Variants in HMGN5 observed in about 807,000 individuals in gnomAD.
HMGN5 encodes the protein high mobility group nucleosome-binding domain-containing protein 5.
In HMGN5, 4 loss-of-function variants were observed where a neutral mutation model predicts 9.5. The ratio of observed to expected loss-of-function variants is 0.42; its 90% CI spans 0.21 to 0.96. The LOEUF (loss-of-function observed/expected upper bound fraction) is 0.96. Ranked by LOEUF, HMGN5 falls within the 40% of genes least tolerant of loss-of-function variation. The pLI, the probability that HMGN5 is intolerant of heterozygous loss-of-function variation, is 0.30. For synonymous variants in HMGN5, 55 were observed against 57.1 expected, an observed-to-expected ratio of 0.96 and a Z score of 0.16; for missense variants, 192 against 187.5, an observed-to-expected ratio of 1.02 and a Z score of -0.14.
chrX:81,174,155 A>T (rs1480366749), intron 1 of HMGN5, among the ~76,000 whole-genome samples: 2 of 111,512 alleles, frequency 1.8e-5, no homozygotes, highest in African/African-American at 6.5e-5. Context: ...TATTACACTT[A>T]TGTGTTTATC....
chrX:81,123,086 T>C (rs982101259), intron 1 of HMGN5, among the ~76,000 whole-genome samples: 5 of 111,549 alleles, frequency 4.5e-5, no homozygotes, highest in African/African-American at 1.6e-4. Flanking sequence ...GAATAATCAG[T>C]TTAAGAGATA....
intron 1 of HMGN5, among the ~76,000 whole-genome samples, chrX:81,139,932 CTCTTAGGCAAG>C (rs1376472102): frequency 8.9e-6 from 1 of 112,016 alleles, no homozygotes; most frequent in African/African-American, 3.2e-5. Context: ...AGGATTGCAA[CTCTTAGGCAAG>C]TCCCAGGGCT....
In HMGN5 at chrX:81,177,367, C is replaced by CAAAAAAAAAAAA. The variant is rs148090852; in HGVS notation, c.-124+24358_-124+24369dup. Among the ~76,000 whole-genome samples the CAAAAAAAAAAAA allele has an allele frequency of 7.5e-4, 8 of 10,678 alleles. 2 individuals are homozygous for CAAAAAAAAAAAA. Among genetic ancestry groups the CAAAAAAAAAAAA allele is most frequent in the Admixed American group, 2.0e-3 (1 of 492 alleles). The allele number at this position is 10,678 out of a possible 115,157, so 9.3% of individuals were successfully genotyped here. On this transcript the variant is annotated intron_variant, in intron 1 of 6. Transcript: ENST00000358130. ...GAAGATCTACCAAGCAAATGGAAAG[C>CAAAAAAAAAAAA]AAAAAAAAAAAAAAAAAAAAAAAAA...
At chrX:81,177,618 G>A (rs2075447141) in intron 1 of HMGN5, among the ~76,000 whole-genome samples, 1 of 110,043 alleles carries the variant, frequency 9.1e-6, no homozygotes, top group Non-Finnish European at 1.9e-5. Flanking sequence ...AATAATGGGA[G>A]ACTTTAACAC....
intron 1 of HMGN5, among the ~76,000 whole-genome samples, chrX:81,124,736 T>C (rs959434789): frequency 5.4e-5 from 6 of 112,119 alleles, no homozygotes; most frequent in Admixed American, 1.9e-4. Context: ...AAAGTGAGAC[T>C]TTTTACTGGA....
At chrX:81,142,669 A>T (rs754006554) in intron 1 of HMGN5, among the ~76,000 whole-genome samples, 9 of 112,065 alleles carry the variant, frequency 8.0e-5, no homozygotes, top group African/African-American at 2.6e-4. Flanking sequence ...ATTTTTCCAG[A>T]AAAACAAAAG....
intron 1 of HMGN5, among the ~76,000 whole-genome samples, chrX:81,194,231 T>A (rs1308563692): frequency 8.9e-6 from 1 of 111,772 alleles, no homozygotes; most frequent in African/African-American, 3.2e-5. Context: ...TAAATAAATG[T>A]AAGATAACAT....
Position 81,113,764 on chromosome X carries a change from GTGGTTGCC to G in HMGN5, c.*877_*884del. 2 of 113,832 alleles carry G rather than the reference GTGGTTGCC, an allele frequency of 1.8e-5. No individual in the cohort carries two copies. The allele number at this position is 113,832 out of a possible 1,213,427, so 9.4% of individuals were successfully genotyped here. A position where few individuals can be genotyped will look rare whatever the true frequency, so the allele number is the denominator to read the frequency against. On this transcript the variant is annotated 3_prime_UTR_variant, in exon 7 of 7. Coordinates refer to ENST00000358130, the MANE Select transcript of HMGN5 (RefSeq NM_030763.3). Reference sequence around the variant, plus strand: ...ATCCATAGAGATAGAAGGCAGATTAGTGGTTGCCAAGGGATGGAGGTGGGGGATAAGTT... The same window carrying G: ...ATCCATAGAGATAGAAGGCAGATTAGAAGGGATGGAGGTGGGGGATAAGTT...
intron 1 of HMGN5, among the ~76,000 whole-genome samples, chrX:81,149,865 T>G (rs1192898050): frequency 1.8e-5 from 2 of 111,745 alleles, no homozygotes; most frequent in Non-Finnish European, 3.8e-5. Flanking sequence ...TTTAACAATG[T>G]TAAACATTTA....
chrX:81,121,557 G>A lies in HMGN5; in HGVS notation c.-8C>T, dbSNP rs778405659. 7 of 1,194,452 alleles carry A rather than the reference G, an allele frequency of 5.9e-6. No homozygotes were observed. The East Asian group carries it at 2.1e-4, about 36-fold the overall frequency. ...TACCTTTCTTTTGGGCATTGTTGTA[G>A]CTCTCTATAGGAGATCTTAGTCAGC... On this transcript the variant is annotated 5_prime_UTR_variant, in exon 2 of 7. Transcript: ENST00000358130.
At chrX:81,131,485 T>A (rs1016706847) in intron 1 of HMGN5, among the ~76,000 whole-genome samples, 2 of 111,125 alleles carry the variant, frequency 1.8e-5, no homozygotes, top group Non-Finnish European at 3.8e-5. Flanking sequence ...ATAGAAAATA[T>A]GACCTTGCAG....
chrX:81,186,715 G>A (rs771687428), intron 1 of HMGN5, among the ~76,000 whole-genome samples: 1 of 110,894 alleles, frequency 9.0e-6, no homozygotes, highest in African/African-American at 3.3e-5. Flanking sequence ...TACATAGTAG[G>A]TGTATATATT....
At chrX:81,131,561 C>T (rs146064472) in intron 1 of HMGN5, among the ~76,000 whole-genome samples, 166 of 111,362 alleles carry the variant, frequency 1.5e-3, no homozygotes, top group Middle Eastern at 4.6e-3. Context: ...AATTTAGCCT[C>T]CTTGCTTAAA....
chrX:81,180,202 C>T lies in HMGN5; in HGVS notation c.-124+21535G>A, dbSNP rs188126839. On this transcript the variant is annotated intron_variant, in intron 1 of 6. Transcript: ENST00000358130. ...GGCAACAAAAGCCAAAATTGACAAA[C>T]GGGATCTAATTAAACTAAAGAGCTT... is the stretch of plus-strand genomic sequence containing the variant. 2.8e-4 allele frequency among the ~76,000 whole-genome samples: 31 copies of T among 111,223 alleles called. 1 individual carries two copies. Among genetic ancestry groups the T allele is most frequent in the African/African-American group, 4.6e-4 (14 of 30,679 alleles).
chrX:81,175,900 A>T (rs776524235), intron 1 of HMGN5, among the ~76,000 whole-genome samples: 1 of 111,669 alleles, frequency 9.0e-6, no homozygotes, highest in Non-Finnish European at 1.9e-5. Flanking sequence ...TGCATTTCCA[A>T]CTGAGCTCTG....
intron 1 of HMGN5, among the ~76,000 whole-genome samples, chrX:81,165,091 T>C (rs991851649): frequency 2.7e-5 from 3 of 111,568 alleles, no homozygotes; most frequent in Non-Finnish European, 5.7e-5. Flanking sequence ...AATAATCCTT[T>C]ATCTGACATC....
In HMGN5 at chrX:81,150,130, T is replaced by A. The variant is rs748612076; in HGVS notation, c.-123-28458A>T. ...CACATTCTTTTCCTCAGCACATAAA[T>A]GATTCTCAAGAATAGACCATATGTT... On this transcript the variant is annotated intron_variant, in intron 1 of 6. Transcript: ENST00000358130. Among the ~76,000 whole-genome samples the A allele has an allele frequency of 2.7e-5, 3 of 112,651 alleles. No homozygotes were observed. In the East Asian group the frequency reaches 8.3e-4, roughly 31 times the overall value.
At position 81,195,633 on chromosome X, in the gene HMGN5, T is replaced by G. The variant is rs188758856; in HGVS notation, c.-124+6104A>C. On this transcript the variant is annotated intron_variant, in intron 1 of 6. Transcript: ENST00000358130. ...TGTCTCTTTCCAATGATAACCAAAT[T>G]TATTCGCTCCTCCTCTGGAGTCAGT... is the stretch of plus-strand genomic sequence containing the variant. Among the ~76,000 whole-genome samples the G allele has an allele frequency of 1.2e-4, 13 of 111,234 alleles. No individual in the cohort carries two copies. The East Asian group carries it at 3.4e-3, about 29-fold the overall frequency.
At chrX:81,190,385 G>A (rs1404279223) in intron 1 of HMGN5, among the ~76,000 whole-genome samples, 1 of 110,465 alleles carries the variant, frequency 9.1e-6, no homozygotes, top group Non-Finnish European at 1.9e-5. Context: ...ACTATATTCA[G>A]TTATGTAATC....
Sources: allele counts gnomAD v4.1 joint callset (sites outside exome capture counted in the v4.1 genomes callset), GRCh38; gene constraint gnomAD v4.1.1; transcripts MANE v1.5; gene names NCBI Gene and HGNC (gene_info 2026-07-23, HGNC 2026-07-21).